NEGR1: variants seen among roughly 807,000 people sequenced by gnomAD.
NEGR1 encodes the protein neuronal growth regulator 1.
Under a neutral mutation model 40.9 loss-of-function variants are expected in NEGR1, and 10 were observed. The ratio of observed to expected loss-of-function variants is 0.24; its 90% CI spans 0.15 to 0.42. NEGR1 has a LOEUF of 0.42. Ranked by LOEUF, NEGR1 falls within the 10% of genes least tolerant of loss-of-function variation. The probability of loss-of-function intolerance (pLI) is 1.00; values close to 1 mark genes in which losing one functional copy is unlikely to be tolerated. For synonymous variants in NEGR1, 185 were observed against 166.8 expected, an observed-to-expected ratio of 1.11 and a Z score of -0.84; for missense variants, 352 against 438.9, an observed-to-expected ratio of 0.80 and a Z score of 1.77.
chr1:72,060,550 C>T (rs548683708), intron 1 of NEGR1, among the ~76,000 whole-genome samples: 2 of 151,620 alleles, frequency 1.3e-5, no homozygotes, highest in South Asian at 4.2e-4. Context: ...TCTTTTAAGG[C>T]CAATTTTAAT....
intron 2 of NEGR1, among the ~76,000 whole-genome samples, chr1:71,829,040 C>G (rs1402705152): frequency 6.6e-6 from 1 of 151,870 alleles, no homozygotes; most frequent in Non-Finnish European, 1.5e-5. Flanking sequence ...TTCTCACAGT[C>G]TATTGCTACT....
chr1:71,941,123 C>T (rs1446600774), intron 1 of NEGR1, among the ~76,000 whole-genome samples: 2 of 152,148 alleles, frequency 1.3e-5, no homozygotes, highest in Admixed American at 6.5e-5. Flanking sequence ...ACCTTTACTG[C>T]TGTCTCTTCA....
intron 3 of NEGR1, among the ~76,000 whole-genome samples, chr1:71,769,114 G>C (rs962995702): frequency 4.0e-5 from 6 of 151,218 alleles, no homozygotes; most frequent in Non-Finnish European, 7.4e-5. Flanking sequence ...GTATTTTATA[G>C]CAATGGGAGA....
At chr1:71,601,925 C>G (rs1649932694) in intron 5 of NEGR1, among the ~76,000 whole-genome samples, 2 of 152,088 alleles carry the variant, frequency 1.3e-5, no homozygotes, top group Non-Finnish European at 2.9e-5. Context: ...ACCCATATAA[C>G]AGCCTTGCAC....
At chr1:71,776,729 G>C (rs926429804) in intron 2 of NEGR1, among the ~76,000 whole-genome samples, 2 of 152,112 alleles carry the variant, frequency 1.3e-5, no homozygotes, top group Non-Finnish European at 1.5e-5. Context: ...TGATTTAAAA[G>C]CTGGGTGAGT....
intron 6 of NEGR1, among the ~76,000 whole-genome samples, chr1:71,457,874 T>C (rs1177131245): frequency 6.6e-6 from 1 of 152,052 alleles, no homozygotes; most frequent in Non-Finnish European, 1.5e-5. Context: ...GCTAATTTTT[T>C]TGTATTTTTA....
chr1:71,572,108 C>G (rs964953072), intron 6 of NEGR1, among the ~76,000 whole-genome samples: 4 of 152,072 alleles, frequency 2.6e-5, no homozygotes, highest in African/African-American at 9.7e-5. Flanking sequence ...TGGGTTTAAA[C>G]GGGCTTTATT....
chr1:72,172,703 G>A (rs1652005134), intron 1 of NEGR1, among the ~76,000 whole-genome samples: 1 of 152,102 alleles, frequency 6.6e-6, no homozygotes, highest in African/African-American at 2.4e-5. Context: ...GTCTGAAATG[G>A]GTCTCACTGG....
intron 2 of NEGR1, among the ~76,000 whole-genome samples, chr1:71,924,377 A>G (rs143437066): frequency 6.0e-4 from 91 of 152,308 alleles, no homozygotes; most frequent in African/African-American, 2.1e-3. Flanking sequence ...CATAAACTGA[A>G]GTCATCCTGC....
At chr1:71,689,049 A>C (rs906249538) in intron 4 of NEGR1, among the ~76,000 whole-genome samples, 1 of 152,166 alleles carries the variant, frequency 6.6e-6, no homozygotes, top group Non-Finnish European at 1.5e-5. Context: ...GCATAAACAG[A>C]ATTTCTCCTT....
intron 3 of NEGR1, among the ~76,000 whole-genome samples, chr1:71,741,455 T>C (rs1246193371): frequency 2.0e-5 from 3 of 152,190 alleles, no homozygotes; most frequent in Non-Finnish European, 4.4e-5. Context: ...GTTTCAGTTC[T>C]TTCAGGTTGA....
At chr1:72,207,918 A>C (rs574145952) in intron 1 of NEGR1, among the ~76,000 whole-genome samples, 1 of 151,934 alleles carries the variant, frequency 6.6e-6, no homozygotes, top group East Asian at 1.9e-4. Flanking sequence ...CTGCTTCATA[A>C]AAATTTTTCA....
chr1:71,820,605 T>C (rs192695507), intron 2 of NEGR1, among the ~76,000 whole-genome samples: 1 of 152,016 alleles, frequency 6.6e-6, no homozygotes, highest in African/African-American at 2.4e-5. Flanking sequence ...GCGGTTAGGG[T>C]CCATCTTATA....
At chr1:72,096,547 TATTA>T (rs35417444) in intron 1 of NEGR1, among the ~76,000 whole-genome samples, 16,702 of 152,148 alleles carry the variant, frequency 0.11, 1,263 homozygotes, top group Non-Finnish European at 0.17. Context: ...ACTGAATAAC[TATTA>T]ATTACACTTT....
intron 3 of NEGR1, among the ~76,000 whole-genome samples, chr1:71,706,174 G>C (rs758827687): frequency 3.3e-5 from 5 of 152,322 alleles, no homozygotes; most frequent in Non-Finnish European, 5.9e-5. Context: ...TTGGACGCTG[G>C]GGGAGGGAGA....
At chr1:72,104,041 T>A (rs767596850) in intron 1 of NEGR1, among the ~76,000 whole-genome samples, 12 of 152,082 alleles carry the variant, frequency 7.9e-5, no homozygotes, top group Non-Finnish European at 1.8e-4. Context: ...GAAATTTGGT[T>A]CCTTCCTTCC....
At chr1:71,719,874 C>T (rs2101652081) in intron 3 of NEGR1, among the ~76,000 whole-genome samples, 1 of 152,154 alleles carries the variant, frequency 6.6e-6, no homozygotes, top group South Asian at 2.1e-4. Context: ...TAAGCAGAAA[C>T]ATTACTGTAC....
At chr1:71,878,848 C>G (rs1366185642) in intron 2 of NEGR1, among the ~76,000 whole-genome samples, 1 of 152,090 alleles carries the variant, frequency 6.6e-6, no homozygotes, top group Non-Finnish European at 1.5e-5. Context: ...AGTGATATAT[C>G]TGGGTTGATG....
intron 5 of NEGR1, among the ~76,000 whole-genome samples, chr1:71,597,412 T>TTA (rs369364525): frequency 0.028 from 3,345 of 120,424 alleles, 255 homozygotes; most frequent in African/African-American, 0.1. Flanking sequence ...GGAGTTTTAT[T>TTA]TATATATATA....
Sources: gnomAD v4.1 joint callset for allele counts (sites outside exome capture counted in the v4.1 genomes callset) on GRCh38, gnomAD v4.1.1 for gene constraint, MANE v1.5 for transcripts, NCBI Gene and HGNC (gene_info 2026-07-23, HGNC 2026-07-21) for gene names.